Variants in HS6ST3 observed in about 807,000 individuals in gnomAD.
HS6ST3 encodes the protein heparan-sulfate 6-O-sulfotransferase 3.
HS6ST3 carries 12 observed loss-of-function variants against 36.7 expected under a neutral mutation model. The ratio of observed to expected loss-of-function variants is 0.33; its 90% CI spans 0.21 to 0.53. The LOEUF (loss-of-function observed/expected upper bound fraction) is 0.53, where lower values mean the gene tolerates loss of function less well. Ranked by LOEUF, HS6ST3 falls within the 20% of genes least tolerant of loss-of-function variation. The probability of loss-of-function intolerance (pLI) is 0.95; values close to 1 mark genes in which losing one functional copy is unlikely to be tolerated. For missense variants in HS6ST3, 584 were observed against 640.9 expected, an observed-to-expected ratio of 0.91 and a Z score of 0.96; for synonymous variants, 240 against 257.5, an observed-to-expected ratio of 0.93 and a Z score of 0.65.
intron 1 of HS6ST3, among the ~76,000 whole-genome samples, chr13:96,387,441 A>C (rs549683419): frequency 6.6e-6 from 1 of 152,360 alleles, no homozygotes; most frequent in East Asian, 1.9e-4. Context: ...TATTCTGCAC[A>C]GGAATAATAC....
At chr13:96,772,681 G>A (rs544050496) in intron 1 of HS6ST3, among the ~76,000 whole-genome samples, 1 of 152,268 alleles carries the variant, frequency 6.6e-6, no homozygotes, top group East Asian at 1.9e-4. Context: ...AGTTATATAA[G>A]TACATCAGTG....
At chr13:96,273,791 G>A (rs1425096125) in intron 1 of HS6ST3, among the ~76,000 whole-genome samples, 3 of 152,102 alleles carry the variant, frequency 2.0e-5, no homozygotes, top group African/African-American at 7.2e-5. Flanking sequence ...GAGTTAAAAA[G>A]TAAGACAATG....
chr13:96,401,685 C>T (rs1324147702), intron 1 of HS6ST3, among the ~76,000 whole-genome samples: 1 of 152,144 alleles, frequency 6.6e-6, no homozygotes, highest in Non-Finnish European at 1.5e-5. Context: ...AGCCATTCTC[C>T]TGCCTCAGCC....
intron 1 of HS6ST3, among the ~76,000 whole-genome samples, chr13:96,344,164 A>G (rs1025404700): frequency 6.6e-6 from 1 of 152,230 alleles, no homozygotes; most frequent in Non-Finnish European, 1.5e-5. Flanking sequence ...GCTCTTAAAA[A>G]TGTTAACACT....
At chr13:96,459,688 C>T (rs971767917) in intron 1 of HS6ST3, among the ~76,000 whole-genome samples, 1 of 152,170 alleles carries the variant, frequency 6.6e-6, no homozygotes, top group Non-Finnish European at 1.5e-5. Flanking sequence ...CAATTGCATA[C>T]ATGTTCCTTT....
intron 1 of HS6ST3, among the ~76,000 whole-genome samples, chr13:96,576,637 A>AT (rs1435351758): frequency 6.6e-6 from 1 of 151,922 alleles, no homozygotes; most frequent in Non-Finnish European, 1.5e-5. Flanking sequence ...CCTTAAGCTG[A>AT]TTTTTTTCTT....
At chr13:96,136,536 C>A (rs2054002399) in intron 1 of HS6ST3, among the ~76,000 whole-genome samples, 1 of 151,886 alleles carries the variant, frequency 6.6e-6, no homozygotes, top group African/African-American at 2.4e-5. Context: ...GGTGTTAAAC[C>A]ATTTATGAGA....
rs1030619754 is a variant in HS6ST3, at chr13:96,303,317, A to G, written c.707+211748A>G. 9.2e-5 allele frequency among the ~76,000 whole-genome samples: 14 copies of G among 152,344 alleles called. 1 individual carries two copies. The highest frequency in any genetic ancestry group is 4.6e-4 in the Admixed American group (7 of 15,302). ...TGAAGAATCAGAGAAGCTTAGATCTAGTGAGGACTGCAGAGATCTGGGCTG... is the reference window on the plus strand; with the variant it reads ...TGAAGAATCAGAGAAGCTTAGATCTGGTGAGGACTGCAGAGATCTGGGCTG... On this transcript the variant is annotated intron_variant, in intron 1 of 1. Coordinates refer to ENST00000376705, the MANE Select transcript of HS6ST3 (RefSeq NM_153456.4).
chr13:96,618,349 C>A (rs895491275), intron 1 of HS6ST3, among the ~76,000 whole-genome samples: 2 of 152,168 alleles, frequency 1.3e-5, no homozygotes, highest in East Asian at 1.9e-4. Flanking sequence ...AATCCTCCAG[C>A]CTTGGCCTCC....
chr13:96,280,819 A>G (rs181405933), intron 1 of HS6ST3, among the ~76,000 whole-genome samples: 1 of 152,212 alleles, frequency 6.6e-6, no homozygotes, highest in Non-Finnish European at 1.5e-5. Flanking sequence ...TAAGAGAAGT[A>G]CATGTGACAG....
intron 1 of HS6ST3, among the ~76,000 whole-genome samples, chr13:96,211,168 G>C (rs187226812): frequency 1.3e-5 from 2 of 152,292 alleles, no homozygotes; most frequent in Admixed American, 1.3e-4. Flanking sequence ...CTGACCTCAG[G>C]TGATACATCT....
intron 1 of HS6ST3, among the ~76,000 whole-genome samples, chr13:96,528,481 A>G (rs1366908367): frequency 6.6e-6 from 1 of 152,186 alleles, no homozygotes; most frequent in African/African-American, 2.4e-5. Flanking sequence ...ATTGTTGGTG[A>G]AATTAATAAA....
Position 96,249,950 on chromosome 13 carries a change from G to T in HS6ST3, c.707+158381G>T, listed in dbSNP as rs1182740588. 9.9e-5 allele frequency among the ~76,000 whole-genome samples: 15 copies of T among 152,268 alleles called. No homozygotes were observed. In the East Asian group the frequency reaches 2.7e-3, roughly 27 times the overall value. ...TATGAGGGTGTTGCACAGGAACGAG[G>T]AGGTGTCATTTAGTGGGTACCAAGT... On this transcript the variant is annotated intron_variant, in intron 1 of 1. Transcript: ENST00000376705.
At chr13:96,599,493 A>T (rs1303572781) in intron 1 of HS6ST3, among the ~76,000 whole-genome samples, 1 of 151,794 alleles carries the variant, frequency 6.6e-6, no homozygotes, top group Non-Finnish European at 1.5e-5. Flanking sequence ...TCTTCATTTT[A>T]ATTTCTAATT....
At chr13:96,551,017 C>G (rs182855054) in intron 1 of HS6ST3, among the ~76,000 whole-genome samples, 42 of 152,188 alleles carry the variant, frequency 2.8e-4, no homozygotes, top group Non-Finnish European at 4.6e-4. Flanking sequence ...AGAATTTAAC[C>G]TTTAACTCTG....
In HS6ST3 at chr13:96,396,811, G is replaced by A. The variant is rs116954639; in HGVS notation, c.707+305242G>A. On this transcript the variant is annotated intron_variant, in intron 1 of 1. Transcript: ENST00000376705. ...TGCAGCAGTTACAAATGGTGACAAC[G>A]TTGATTTGCCTAAAAACAAAAATGA... is the stretch of plus-strand genomic sequence containing the variant. 1.2e-4 allele frequency among the ~76,000 whole-genome samples: 18 copies of A among 152,234 alleles called. No homozygotes were observed. The East Asian group carries it at 2.1e-3, about 18-fold the overall frequency.
At chr13:96,520,561 G>C (rs1444938858) in intron 1 of HS6ST3, among the ~76,000 whole-genome samples, 1 of 152,056 alleles carries the variant, frequency 6.6e-6, no homozygotes, top group African/African-American at 2.4e-5. Flanking sequence ...TCCTTGAAGA[G>C]GTCCTTCACA....
intron 1 of HS6ST3, among the ~76,000 whole-genome samples, chr13:96,137,490 G>C (rs1166163408): frequency 6.8e-6 from 1 of 147,496 alleles, no homozygotes; most frequent in Non-Finnish European, 1.5e-5. Context: ...CTGGAGTACA[G>C]TGGTGCGATC....
At chr13:96,625,199 A>G (rs925739145) in intron 1 of HS6ST3, among the ~76,000 whole-genome samples, 2 of 152,188 alleles carry the variant, frequency 1.3e-5, no homozygotes, top group Non-Finnish European at 2.9e-5. Flanking sequence ...TGGTGTTGCC[A>G]TGGCATTTGT....
Sources: gnomAD v4.1 joint callset for allele counts (sites outside exome capture counted in the v4.1 genomes callset) on GRCh38, gnomAD v4.1.1 for gene constraint, MANE v1.5 for transcripts, NCBI Gene and HGNC (gene_info 2026-07-23, HGNC 2026-07-21) for gene names.